TAFA5: variants seen among roughly 807,000 people sequenced by gnomAD.
TAFA5 encodes the protein chemokine-like protein TAFA-5.
In TAFA5, 6 loss-of-function variants were observed where a neutral mutation model predicts 15.3. The ratio of observed to expected loss-of-function variants is 0.39; its 90% CI spans 0.21 to 0.77. The LOEUF is 0.77. TAFA5 is among the 30% of genes least tolerant of loss of function. The pLI is 0.41. For missense variants in TAFA5, 161 were observed against 193.1 expected (o/e 0.83, Z 0.98); for synonymous variants, 103 against 80.7 (o/e 1.28, Z -1.48).
At chr22:48,668,779 G>A (rs1338104682) in intron 2 of TAFA5, among the ~76,000 whole-genome samples, 1 of 152,244 alleles carries the variant, frequency 6.6e-6, no homozygotes, top group East Asian at 1.9e-4. Context: ...CAGCACTCAG[G>A]GCCACAGGCC....
intron 2 of TAFA5, among the ~76,000 whole-genome samples, chr22:48,648,668 G>A (rs1926950019): frequency 6.6e-6 from 1 of 152,170 alleles, no homozygotes; most frequent in Admixed American, 6.5e-5. Context: ...GTGAAACCCT[G>A]TCTCTACTAA....
At chr22:48,702,244 G>A (rs151302434) in intron 2 of TAFA5, among the ~76,000 whole-genome samples, 82 of 152,256 alleles carry the variant, frequency 5.4e-4, no homozygotes, top group Non-Finnish European at 7.9e-4. Flanking sequence ...GGAGAGCATG[G>A]TGTGGGATGG....
chr22:48,541,956 C>T (rs148632467), intron 1 of TAFA5, among the ~76,000 whole-genome samples: 226 of 152,214 alleles, frequency 1.5e-3, no homozygotes, highest in African/African-American at 5.1e-3. Flanking sequence ...TCCAGGACGC[C>T]GAGTGCAGGG....
At chr22:48,585,850 G>GAC (rs143322116) in intron 1 of TAFA5, among the ~76,000 whole-genome samples, 3 of 151,486 alleles carry the variant, frequency 2.0e-5, no homozygotes, top group Non-Finnish European at 4.4e-5. Context: ...CACATGCCAA[G>GAC]ACACACACAC....
At chr22:48,654,067 G>A (rs933591777) in intron 2 of TAFA5, among the ~76,000 whole-genome samples, 2 of 151,980 alleles carry the variant, frequency 1.3e-5, no homozygotes, top group African/African-American at 2.4e-5. Flanking sequence ...CGTCACGTCG[G>A]CACGGTGGCT....
At chr22:48,558,082 CA>C in intron 1 of TAFA5, among the ~76,000 whole-genome samples, 1 of 152,332 alleles carries the variant, frequency 6.6e-6, no homozygotes, top group East Asian at 1.9e-4. Context: ...AAGATCAGCA[CA>C]ACCTCCAGGG....
chr22:48,558,604 A>G (rs115934257), intron 1 of TAFA5, among the ~76,000 whole-genome samples: 1,866 of 152,268 alleles, frequency 0.012, 28 homozygotes, highest in African/African-American at 0.042. Flanking sequence ...AGGTCTCTTC[A>G]TTGCTGTGGA....
chr22:48,701,364 T>G (rs1337709780), intron 2 of TAFA5, among the ~76,000 whole-genome samples: 1 of 152,170 alleles, frequency 6.6e-6, no homozygotes, highest in Non-Finnish European at 1.5e-5. Flanking sequence ...TCTAAGGCAC[T>G]GGTGTGTGTC....
chr22:48,667,053 A>C (rs537152410), intron 2 of TAFA5, among the ~76,000 whole-genome samples: 61 of 151,418 alleles, frequency 4.0e-4, no homozygotes, highest in African/African-American at 1.3e-3. Context: ...ATTGAGGGGG[A>C]GGAGGGCAAG....
chr22:48,529,344 C>A (rs1401893189), intron 1 of TAFA5, among the ~76,000 whole-genome samples: 1 of 86,378 alleles, frequency 1.2e-5, no homozygotes, highest in Non-Finnish European at 2.3e-5. Context: ...GGTGTCCAGG[C>A]AGGAGATGAG....
intron 1 of TAFA5, among the ~76,000 whole-genome samples, chr22:48,587,005 C>T (rs961203777): frequency 3.9e-5 from 6 of 152,240 alleles, no homozygotes; most frequent in Non-Finnish European, 7.3e-5. Flanking sequence ...GGGCCTCCAC[C>T]GACCCCCTGT....
At position 48,750,005 on chromosome 22, in the gene TAFA5, A is replaced by G; in HGVS notation, c.*158A>G. 1.4e-6 allele frequency: 1 copy of G among 728,798 alleles called. No homozygotes were observed. The highest frequency in any genetic ancestry group is 2.3e-6 in the Non-Finnish European group (1 of 435,358). 45.1% of individuals were successfully genotyped at this position (728,798 alleles called of 1,614,324 possible). On this transcript the variant is annotated 3_prime_UTR_variant, in exon 4 of 4. Coordinates refer to ENST00000402357, the MANE Select transcript of TAFA5 (RefSeq NM_001082967.3). ...GTGAAGGACGGCCTCAGGCCTTGGC[A>G]TCCTGAGCTTCGGTCTGTCCAGCCG... is the stretch of plus-strand genomic sequence containing the variant.
intron 3 of TAFA5, among the ~76,000 whole-genome samples, chr22:48,714,421 G>A (rs545074935): frequency 4.6e-4 from 70 of 152,300 alleles, no homozygotes; most frequent in African/African-American, 1.7e-3. Flanking sequence ...TCCTCCCAGC[G>A]CTGTAGAGGT....
chr22:48,746,189 C>T (rs970915388), intron 3 of TAFA5, among the ~76,000 whole-genome samples: 5 of 152,046 alleles, frequency 3.3e-5, no homozygotes, highest in African/African-American at 7.2e-5. Flanking sequence ...TGGCCCTTCT[C>T]GGTGTTGTCT....
chr22:48,534,111 C>T (rs565473913), intron 1 of TAFA5, among the ~76,000 whole-genome samples: 1 of 152,078 alleles, frequency 6.6e-6, no homozygotes, highest in South Asian at 2.1e-4. Flanking sequence ...TGAGGCAGGG[C>T]CAGGCAGGTG....
chr22:48,685,451 G>A (rs1928323539), intron 2 of TAFA5, among the ~76,000 whole-genome samples: 2 of 152,190 alleles, frequency 1.3e-5, no homozygotes, highest in South Asian at 4.1e-4. Flanking sequence ...GTTCTTTGGG[G>A]TAAAATATTT....
At chr22:48,579,615 C>T (rs1201711786) in intron 1 of TAFA5, among the ~76,000 whole-genome samples, 2 of 152,210 alleles carry the variant, frequency 1.3e-5, no homozygotes, top group East Asian at 1.9e-4. Context: ...GTTAAGGAAA[C>T]GGCGAGAAGT....
At chr22:48,576,724 C>G (rs147114256) in intron 1 of TAFA5, among the ~76,000 whole-genome samples, 20,421 of 151,282 alleles carry the variant, frequency 0.13, 1,556 homozygotes, top group Admixed American at 0.17. Context: ...GCCGGCGGCG[C>G]GACCCTACCA....
chr22:48,501,866 C>T (rs982590068), intron 1 of TAFA5, among the ~76,000 whole-genome samples: 2 of 152,200 alleles, frequency 1.3e-5, no homozygotes, highest in African/African-American at 2.4e-5. Flanking sequence ...GGCTTACTGA[C>T]GTCCCCAGAA....
Sources: gnomAD v4.1 joint callset for allele counts (sites outside exome capture counted in the v4.1 genomes callset) on GRCh38, gnomAD v4.1.1 for gene constraint, MANE v1.5 for transcripts, NCBI Gene and HGNC (gene_info 2026-07-23, HGNC 2026-07-21) for gene names.